ANO4: variants seen among roughly 807,000 people sequenced by gnomAD.
ANO4 encodes the protein anoctamin-4.
In ANO4, 69 loss-of-function variants were observed where a neutral mutation model predicts 141.9. The ratio of observed to expected loss-of-function variants is 0.49; its 90% CI spans 0.40 to 0.59. ANO4 has a LOEUF of 0.59. Ranked by LOEUF, ANO4 falls within the 20% of genes least tolerant of loss-of-function variation. ANO4 has a pLI of 0.00. For missense variants in ANO4, 894 were observed against 1,162.2 expected, an observed-to-expected ratio of 0.77 and a Z score of 3.36; for synonymous variants, 350 against 394.3, an observed-to-expected ratio of 0.89 and a Z score of 1.33.
chr12:100,984,171 A>G (rs113310981), intron 7 of ANO4, among the ~76,000 whole-genome samples: 7,090 of 152,110 alleles, frequency 0.047, 469 homozygotes, highest in African/African-American at 0.15. Flanking sequence ...ATCTCGGCTC[A>G]CTGCAACCTC....
intron 14 of ANO4, among the ~76,000 whole-genome samples, chr12:101,053,195 A>T (rs537664224): frequency 6.6e-6 from 1 of 152,348 alleles, no homozygotes; most frequent in Non-Finnish European, 1.5e-5. Context: ...AGGCAAAAGG[A>T]AAAGCAGAAA....
rs540583796 is a variant in ANO4 at position 101,085,977 on chromosome 12, A to G, written c.1537-683A>G. On this transcript the variant is annotated intron_variant, in intron 16 of 27. Transcript: ENST00000392977. ...TGTAACCATATGGTATGGCTACCAC[A>G]TGACAACACGAAAAACAAATAGTCT... is the stretch of plus-strand genomic sequence containing the variant. Among the ~76,000 whole-genome samples, 4 of 152,252 alleles carry G rather than the reference A, an allele frequency of 2.6e-5. No homozygotes were observed. In the East Asian group the frequency reaches 5.8e-4, roughly 22 times the overall value.
intron 22 of ANO4, among the ~76,000 whole-genome samples, chr12:101,106,357 A>C (rs1418353642): frequency 6.6e-6 from 1 of 152,056 alleles, no homozygotes; most frequent in African/African-American, 2.4e-5. Context: ...GGGTAAATTA[A>C]AAGGAGGTAA....
intron 1 of ANO4, among the ~76,000 whole-genome samples, chr12:100,845,262 C>T (rs917107463): frequency 7.2e-5 from 11 of 152,152 alleles, no homozygotes; most frequent in Middle Eastern, 3.4e-3. Context: ...TGTGAATGGG[C>T]GGAACCTGGA....
chr12:101,122,397 G>T (rs2051133875), intron 26 of ANO4, among the ~76,000 whole-genome samples: 1 of 152,066 alleles, frequency 6.6e-6, no homozygotes, highest in Admixed American at 6.5e-5. Context: ...AATTAGATTT[G>T]ACTTAGCAAT....
chr12:101,032,498 A>G (rs1397859739), intron 9 of ANO4, among the ~76,000 whole-genome samples: 3 of 152,210 alleles, frequency 2.0e-5, no homozygotes, highest in African/African-American at 7.2e-5. Context: ...GCTTCTGCAC[A>G]GCAAAAGAAA....
intron 1 of ANO4, among the ~76,000 whole-genome samples, chr12:100,871,008 T>C (rs1252096154): frequency 6.6e-6 from 1 of 152,178 alleles, no homozygotes; most frequent in Admixed American, 6.5e-5. Flanking sequence ...AAAAACCTCA[T>C]CTAATAGGTG....
chr12:100,892,781 TAG>T (rs2040168056), intron 1 of ANO4, among the ~76,000 whole-genome samples: 1 of 152,082 alleles, frequency 6.6e-6, no homozygotes, highest in Non-Finnish European at 1.5e-5. Flanking sequence ...GTTTTAATTG[TAG>T]TTTTTTTTTT....
intron 2 of ANO4, among the ~76,000 whole-genome samples, chr12:100,909,691 CCATT>C (rs1336167016): frequency 6.6e-6 from 1 of 152,166 alleles, no homozygotes; most frequent in Non-Finnish European, 1.5e-5. Flanking sequence ...AGAGGCATGA[CCATT>C]CAGATGCAGG....
At position 101,086,772 on chromosome 12, in the gene ANO4, C is replaced by A. The variant is rs1324963340; in HGVS notation, c.1649C>A (p.Thr550Asn). The change falls in exon 17 of 28, where the codon ACC becomes AAC. Residue 550 changes from threonine (T) to asparagine (N), a missense_variant. Around this residue, in one of 2 missense-constraint regions of ANO4, gnomAD observed 637 missense variants for 909.2 expected, o/e 0.70. Coordinates refer to ENST00000392977, the MANE Select transcript of ANO4 (RefSeq NM_001286615.2). Reference protein sequence around the residue: ...ALIRNNSQVATTGTAVCINFC... With the variant: ...ALIRNNSQVANTGTAVCINFC... ...ATCAGGAATAACTCTCAGGTTGCAA[C>A]CACAGGGACTGCTGTGTGCATCAAC... The A allele has an allele frequency of 6.2e-7, 1 of 1,613,836 alleles. No individual in the cohort carries two copies. Among genetic ancestry groups the A allele is most frequent in the Non-Finnish European group, 8.5e-7 (1 of 1,179,786 alleles).
At chr12:101,038,407 G>A (rs1179312918) in intron 10 of ANO4, 1 of 147,382 alleles carries the variant, frequency 6.8e-6, no homozygotes, top group East Asian at 2.2e-4. Flanking sequence ...CTGTGCAGGG[G>A]AGTGGGTGGG....
intron 14 of ANO4, chr12:101,066,693 A>T (rs2048603731): frequency 1.5e-6 from 1 of 683,090 alleles, no homozygotes; most frequent in African/African-American, 1.8e-5. Flanking sequence ...CTCCTGGAGC[A>T]CAGCAAGGTC....
chr12:100,914,650 T>A (rs2041254965), intron 2 of ANO4, among the ~76,000 whole-genome samples: 1 of 152,234 alleles, frequency 6.6e-6, no homozygotes, highest in Non-Finnish European at 1.5e-5. Flanking sequence ...TGGAACTTTT[T>A]TTTTCAGAAC....
chr12:101,061,016 C>G (rs1293401554), intron 14 of ANO4, among the ~76,000 whole-genome samples: 1 of 151,946 alleles, frequency 6.6e-6, no homozygotes, highest in East Asian at 1.9e-4. Flanking sequence ...AGTGGCTGGT[C>G]CCAGTTTTTC....
chr12:100,932,011 T>C (rs796482713), intron 3 of ANO4, among the ~76,000 whole-genome samples: 21 of 151,334 alleles, frequency 1.4e-4, no homozygotes, highest in African/African-American at 5.1e-4. Flanking sequence ...TTTTAAGTGA[T>C]ACTTTGAGGT....
chr12:100,813,433 C>T (rs1281796906), intron 1 of ANO4, among the ~76,000 whole-genome samples: 2 of 152,186 alleles, frequency 1.3e-5, no homozygotes, highest in East Asian at 1.9e-4. Flanking sequence ...TTCTCACCTT[C>T]CCGTTTACAA....
chr12:101,002,896 C>T (rs2045710928), intron 8 of ANO4, among the ~76,000 whole-genome samples: 1 of 152,148 alleles, frequency 6.6e-6, no homozygotes, highest in Admixed American at 6.5e-5. Flanking sequence ...ATCATCCTTT[C>T]CTCTCCTTCC....
intron 3 of ANO4, among the ~76,000 whole-genome samples, chr12:100,924,986 C>T (rs1210896747): frequency 6.6e-6 from 1 of 152,018 alleles, no homozygotes; most frequent in Non-Finnish European, 1.5e-5. Flanking sequence ...TTTATGAGTA[C>T]TTAACAGAAG....
chr12:101,062,321 C>T (rs1488516540), intron 14 of ANO4, among the ~76,000 whole-genome samples: 1 of 152,214 alleles, frequency 6.6e-6, no homozygotes, highest in Non-Finnish European at 1.5e-5. Flanking sequence ...TGTCTGTCGA[C>T]CCCTGCTGGG....
Sources: gnomAD v4.1 joint callset for allele counts (sites outside exome capture counted in the v4.1 genomes callset) on GRCh38, gnomAD v4.1.1 for gene constraint, gnomAD v4.1.1 regional missense constraint, MANE v1.5 for transcripts, NCBI Gene and HGNC (gene_info 2026-07-23, HGNC 2026-07-21) for gene names.